The following CACNB2 variants were observed in gnomAD, a reference collection of about 807,000 sequenced individuals.
CACNB2 encodes calcium voltage-gated channel auxiliary subunit beta 2.
A neutral mutation model predicts 73.3 loss-of-function variants in CACNB2; 42 were observed. The ratio of observed to expected loss-of-function variants is 0.57; its 90% CI spans 0.45 to 0.74. The LOEUF (loss-of-function observed/expected upper bound fraction) is 0.74, where lower values mean the gene tolerates loss of function less well. Among genes scored for constraint, CACNB2 ranks in the 30% least tolerant of loss-of-function variants. CACNB2 has a pLI of 0.00. For missense variants in CACNB2, 940 were observed against 853.0 expected, an observed-to-expected ratio of 1.10 and a Z score of -1.27; for synonymous variants, 348 against 310.3, an observed-to-expected ratio of 1.12 and a Z score of -1.28.
chr10:18,519,059 G>A, intron 9 of CACNB2, 91 bp downstream of exon 9: 1 of 1,008,486 alleles, frequency 9.9e-7, no homozygotes, highest in Non-Finnish European at 1.6e-6. Flanking sequence ...AGAGAAAATG[G>A]CCCTCTGATG....
At chr10:18,244,388 A>G (rs2036781215) in intron 2 of CACNB2, among the ~76,000 whole-genome samples, 1 of 152,196 alleles carries the variant, frequency 6.6e-6, no homozygotes, top group South Asian at 2.1e-4. Context: ...CTTCTCAACT[A>G]CCATATGTCA....
chr10:18,362,375 G>A (rs550579633), intron 2 of CACNB2, among the ~76,000 whole-genome samples: 76 of 152,266 alleles, frequency 5.0e-4, no homozygotes, highest in Non-Finnish European at 9.4e-4. Flanking sequence ...AGGAGCAATA[G>A]ATATTTGTAA....
chr10:18,318,461 T>C (rs1037044195), intron 2 of CACNB2, among the ~76,000 whole-genome samples: 8 of 152,172 alleles, frequency 5.3e-5, no homozygotes, highest in African/African-American at 1.9e-4. Flanking sequence ...TTACACCTTA[T>C]ACAAAAATTA....
chr10:18,302,461 A>G (rs1449337756), intron 2 of CACNB2, among the ~76,000 whole-genome samples: 1 of 152,252 alleles, frequency 6.6e-6, no homozygotes, highest in East Asian at 1.9e-4. Flanking sequence ...GCCCATCAAT[A>G]AACGAGTGGA....
chr10:18,503,816 A>T (rs2050340496), intron 5 of CACNB2, among the ~76,000 whole-genome samples: 1 of 152,220 alleles, frequency 6.6e-6, no homozygotes, highest in Non-Finnish European at 1.5e-5. Flanking sequence ...GTTCTAGGTA[A>T]TAGAAAGTTA....
In CACNB2 at chr10:18,401,311, C is replaced by T. The variant is rs574230561; in HGVS notation, c.214-613C>T. On this transcript the variant is annotated intron_variant, in intron 2 of 13. Coordinates refer to ENST00000324631, the MANE Select transcript of CACNB2 (RefSeq NM_201596.3). Reference sequence around the variant, plus strand: ...ATGAGCTATCCCAGGCAGGTGTTTTCTGTAGACGGCTTTTTATTAAATCTA... The same window carrying T: ...ATGAGCTATCCCAGGCAGGTGTTTTTTGTAGACGGCTTTTTATTAAATCTA... Among the ~76,000 whole-genome samples the T allele has an allele frequency of 2.0e-5, 3 of 152,286 alleles. No individual in the cohort carries two copies. In the South Asian group the frequency reaches 6.2e-4, roughly 32 times the overall value.
intron 2 of CACNB2, among the ~76,000 whole-genome samples, chr10:18,202,743 T>A (rs527589821): frequency 6.6e-6 from 1 of 152,330 alleles, no homozygotes; most frequent in African/African-American, 2.4e-5. Flanking sequence ...ATCTCTTCTG[T>A]GTTGTGGCTG....
chr10:18,264,845 C>T (rs1187770874), intron 2 of CACNB2, among the ~76,000 whole-genome samples: 1 of 152,096 alleles, frequency 6.6e-6, no homozygotes, highest in Non-Finnish European at 1.5e-5. Context: ...TGGGACATGC[C>T]ATATTGTGAA....
chr10:18,426,840 T>A (rs1017964728), intron 3 of CACNB2, among the ~76,000 whole-genome samples: 3 of 152,174 alleles, frequency 2.0e-5, no homozygotes, highest in Non-Finnish European at 4.4e-5. Flanking sequence ...TTGATTTGGG[T>A]TTTCTATAGA....
intron 3 of CACNB2, among the ~76,000 whole-genome samples, chr10:18,433,667 A>T (rs902495388): frequency 1.4e-5 from 2 of 147,164 alleles, no homozygotes; most frequent in African/African-American, 2.4e-5. Flanking sequence ...GTTTATAACT[A>T]TATTTTTTTC....
intron 2 of CACNB2, among the ~76,000 whole-genome samples, chr10:18,267,280 A>C (rs1172602960): frequency 6.6e-6 from 1 of 152,186 alleles, no homozygotes; most frequent in African/African-American, 2.4e-5. Flanking sequence ...GGCTTTAATT[A>C]TAAACCTCAC....
intron 3 of CACNB2, among the ~76,000 whole-genome samples, chr10:18,465,072 G>T (rs1248523880): frequency 6.6e-6 from 1 of 152,242 alleles, no homozygotes; most frequent in Non-Finnish European, 1.5e-5. Context: ...GCTCACGCCT[G>T]TAATCCCAGC....
At chr10:18,512,439 T>C (rs1054030422) in intron 6 of CACNB2, among the ~76,000 whole-genome samples, 1 of 150,336 alleles carries the variant, frequency 6.7e-6, no homozygotes, top group Non-Finnish European at 1.5e-5. Context: ...TTGCATTGAC[T>C]GGATTGAGAA....
In CACNB2 at chr10:18,539,342, C is replaced by T; in HGVS notation, c.1601C>T (p.Ser534Phe). 6.2e-7 allele frequency: 1 copy of T among 1,614,160 alleles called. No homozygotes were observed. The highest frequency in any genetic ancestry group is 1.1e-5 in the South Asian group (1 of 91,068). ...AAGAAATCCCAGCACCGCTCTTCCT[C>T]CTCAGCCCCACACCACAACCATCGC... ...PVKKSQHRSSSSAPHHNHRSG... is the reference protein window; with the variant it reads ...PVKKSQHRSSFSAPHHNHRSG... The change falls in exon 14 of 14, where the codon TCC becomes TTC. Residue 534 changes from serine to phenylalanine, a missense_variant. Coordinates refer to ENST00000324631, the MANE Select transcript of CACNB2 (RefSeq NM_201596.3).
intron 2 of CACNB2, among the ~76,000 whole-genome samples, chr10:18,227,923 CATCATA>C (rs1265058905): frequency 6.6e-6 from 1 of 152,154 alleles, no homozygotes; most frequent in African/African-American, 2.4e-5. Flanking sequence ...TCCACTCCAA[CATCATA>C]AATTTGATGA....
chr10:18,462,979 G>A (rs1394737433), intron 3 of CACNB2, among the ~76,000 whole-genome samples: 1 of 151,998 alleles, frequency 6.6e-6, no homozygotes, highest in African/African-American at 2.4e-5. Flanking sequence ...GGCTGGTCTC[G>A]AACTCCTGAC....
At chr10:18,445,333 A>G (rs1312187785) in intron 3 of CACNB2, among the ~76,000 whole-genome samples, 4 of 152,196 alleles carry the variant, frequency 2.6e-5, no homozygotes, top group African/African-American at 9.6e-5. Flanking sequence ...CAGAGCATCA[A>G]TTTAACAAAA....
intron 3 of CACNB2, among the ~76,000 whole-genome samples, chr10:18,403,390 A>G (rs375037473): frequency 2.0e-5 from 3 of 152,242 alleles, no homozygotes; most frequent in African/African-American, 7.2e-5. Context: ...TCTATATTCT[A>G]TATTTTGCAT....
chr10:18,266,815 C>A lies in CACNB2; in HGVS notation c.213+115840C>A, dbSNP rs954792536. ...TGAGGCGGGAGAATCACTGGAACCCCAGAGGTGGAGGCTGCAGTGAGCCGA... is the reference window on the plus strand; with the variant it reads ...TGAGGCGGGAGAATCACTGGAACCCAAGAGGTGGAGGCTGCAGTGAGCCGA... On this transcript the variant is annotated intron_variant, in intron 2 of 13. Coordinates refer to ENST00000324631, the MANE Select transcript of CACNB2 (RefSeq NM_201596.3). Among the ~76,000 whole-genome samples the A allele has an allele frequency of 6.6e-5, 10 of 152,180 alleles. 1 individual carries two copies. Among genetic ancestry groups the A allele is most frequent in the Admixed American group, 3.3e-4 (5 of 15,288 alleles).
Sources: gnomAD v4.1 joint callset for allele counts (sites outside exome capture counted in the v4.1 genomes callset) on GRCh38, gnomAD v4.1.1 for gene constraint, MANE v1.5 for transcripts, NCBI Gene and HGNC (gene_info 2026-07-23, HGNC 2026-07-21) for gene names.